SIPA1L1: variants seen among roughly 807,000 people sequenced by gnomAD.
SIPA1L1 encodes the protein signal induced proliferation associated 1 like 1, also known as signal-induced proliferation-associated 1-like protein 1.
A neutral mutation model predicts 162.7 loss-of-function variants in SIPA1L1; 26 were observed. That is an observed-to-expected ratio of 0.16 (90% confidence interval 0.12 to 0.22). The LOEUF (loss-of-function observed/expected upper bound fraction) is 0.22. SIPA1L1 is among the 10% of genes least tolerant of loss of function. The pLI is 1.00. For missense variants in SIPA1L1, 1,874 were observed against 2,241.0 expected (o/e 0.84, Z 3.31); for synonymous variants, 829 against 837.4 (o/e 0.99, Z 0.17).
At chr14:71,364,376 A>G (rs1162616256) in intron 2 of SIPA1L1, among the ~76,000 whole-genome samples, 1 of 151,876 alleles carries the variant, frequency 6.6e-6, no homozygotes, top group Non-Finnish European at 1.5e-5. Flanking sequence ...CAACCCCTGC[A>G]CCCTCTGACC....
At chr14:71,699,304 A>G (rs1243647795) in intron 14 of SIPA1L1, among the ~76,000 whole-genome samples, 177 bp downstream of exon 14, 1 of 152,200 alleles carries the variant, frequency 6.6e-6, no homozygotes, top group Non-Finnish European at 1.5e-5. Flanking sequence ...GGTTTAAACT[A>G]CTTCTTAGGA....
intron 7 of SIPA1L1, among the ~76,000 whole-genome samples, chr14:71,642,202 C>G (rs1171424249): frequency 6.6e-6 from 1 of 152,152 alleles, no homozygotes; most frequent in African/African-American, 2.4e-5. Context: ...AGATGGGAAA[C>G]AAATGAGGTG....
At chr14:71,339,781 C>G (rs1257291127) in intron 2 of SIPA1L1, among the ~76,000 whole-genome samples, 1 of 152,138 alleles carries the variant, frequency 6.6e-6, no homozygotes, top group Non-Finnish European at 1.5e-5. Flanking sequence ...TTAATGTCAG[C>G]TATCATTTAT....
intron 7 of SIPA1L1, among the ~76,000 whole-genome samples, chr14:71,649,181 A>G (rs1217866896): frequency 2.0e-5 from 3 of 150,966 alleles, no homozygotes; most frequent in African/African-American, 7.4e-5. Flanking sequence ...TGGAGAATTC[A>G]AAGTCCAATT....
At chr14:71,548,742 C>T (rs922254348) in intron 4 of SIPA1L1, among the ~76,000 whole-genome samples, 9 of 151,984 alleles carry the variant, frequency 5.9e-5, no homozygotes, top group African/African-American at 1.9e-4. Context: ...AGTAAAAATG[C>T]AACAACCAGC....
intron 4 of SIPA1L1, among the ~76,000 whole-genome samples, chr14:71,559,401 A>G (rs1288974099): frequency 6.6e-6 from 1 of 152,188 alleles, no homozygotes; most frequent in African/African-American, 2.4e-5. Context: ...AGGCATCAAA[A>G]GGAAGTTTTT....
intron 2 of SIPA1L1, among the ~76,000 whole-genome samples, chr14:71,363,467 A>G (rs949558018): frequency 3.3e-5 from 5 of 151,922 alleles, no homozygotes; most frequent in East Asian, 1.9e-4. Flanking sequence ...GTTTCTGGAT[A>G]CAAGTGAAAA....
intron 2 of SIPA1L1, among the ~76,000 whole-genome samples, chr14:71,485,700 T>TA (rs2048700738): frequency 6.6e-6 from 1 of 152,156 alleles, no homozygotes; most frequent in South Asian, 2.1e-4. Flanking sequence ...ATAAATGTAA[T>TA]ATACTTGAAT....
chr14:71,646,708 A>G (rs1445244548), intron 7 of SIPA1L1, among the ~76,000 whole-genome samples: 3 of 152,210 alleles, frequency 2.0e-5, no homozygotes, highest in Non-Finnish European at 2.9e-5. Flanking sequence ...TCAGTGCTTC[A>G]TATGAACAGC....
intron 13 of SIPA1L1, among the ~76,000 whole-genome samples, chr14:71,692,663 T>C (rs1292919185): frequency 6.6e-6 from 1 of 152,218 alleles, no homozygotes; most frequent in African/African-American, 2.4e-5. Context: ...CAGTTCCCCA[T>C]CGTTTACAAA....
intron 5 of SIPA1L1, chr14:71,598,266 G>C: frequency 1.0e-6 from 1 of 974,696 alleles, no homozygotes; most frequent in South Asian, 4.7e-5. Context: ...ACTGATGGAA[G>C]CTAAAATCAG....
chr14:71,683,274 G>A (rs1341519397), intron 12 of SIPA1L1, among the ~76,000 whole-genome samples: 1 of 152,174 alleles, frequency 6.6e-6, no homozygotes, highest in Non-Finnish European at 1.5e-5. Context: ...GAAAGTTGGT[G>A]CCCAAAATAC....
chr14:71,722,647 C>T (rs1420959847), intron 17 of SIPA1L1, among the ~76,000 whole-genome samples: 1 of 152,166 alleles, frequency 6.6e-6, no homozygotes, highest in Non-Finnish European at 1.5e-5. Flanking sequence ...AAACTCTCAT[C>T]CCTTATTTTG....
intron 2 of SIPA1L1, among the ~76,000 whole-genome samples, chr14:71,420,304 T>C (rs1033902314): frequency 2.0e-5 from 3 of 152,102 alleles, no homozygotes; most frequent in Non-Finnish European, 2.9e-5. Flanking sequence ...AGTAGAAATA[T>C]AGGTAAATGC....
chr14:71,633,206 GC>G (rs2040777551), intron 7 of SIPA1L1, among the ~76,000 whole-genome samples: 2 of 152,140 alleles, frequency 1.3e-5, no homozygotes, highest in African/African-American at 4.8e-5. Context: ...CTGTCGCCAG[GC>G]TGCAGTGCAG....
chr14:71,533,505 T>A (rs1043323854), intron 4 of SIPA1L1, among the ~76,000 whole-genome samples: 3 of 152,230 alleles, frequency 2.0e-5, no homozygotes, highest in Non-Finnish European at 4.4e-5. Flanking sequence ...GAATAAACCC[T>A]TATTTTCATG....
chr14:71,331,758 G>A (rs1014102867), intron 2 of SIPA1L1, among the ~76,000 whole-genome samples: 3 of 152,064 alleles, frequency 2.0e-5, no homozygotes, highest in Admixed American at 2.0e-4. Context: ...CAGATTTCCT[G>A]TATCTGCTTG....
At chr14:71,593,900 C>A (rs188202864) in intron 5 of SIPA1L1, among the ~76,000 whole-genome samples, 4 of 152,266 alleles carry the variant, frequency 2.6e-5, no homozygotes, top group African/African-American at 9.6e-5. Flanking sequence ...GAAGGGCCTC[C>A]CTCTACTGCA....
intron 2 of SIPA1L1, among the ~76,000 whole-genome samples, chr14:71,420,755 C>G (rs1474722958): frequency 1.3e-5 from 2 of 151,790 alleles, no homozygotes; most frequent in Non-Finnish European, 1.5e-5. Context: ...GTTGGAGTTT[C>G]AGATATTATA....
Sources: gnomAD v4.1 joint callset for allele counts (sites outside exome capture counted in the v4.1 genomes callset) on GRCh38, gnomAD v4.1.1 for gene constraint, MANE v1.5 for transcripts, NCBI Gene and HGNC (gene_info 2026-07-23, HGNC 2026-07-21) for gene names.